The following SLC43A2 variants were observed in gnomAD, a reference collection of about 807,000 sequenced individuals.
The protein encoded by SLC43A2 is large neutral amino acids transporter small subunit 4.
SLC43A2 carries 38 observed loss-of-function variants against 63.2 expected under a neutral mutation model. That is an observed-to-expected ratio of 0.60 (90% CI 0.46 to 0.79). The LOEUF is 0.79. Ranked by LOEUF, SLC43A2 falls within the 30% of genes least tolerant of loss-of-function variation. The pLI is 0.00. For synonymous variants in SLC43A2, 322 were observed against 331.0 expected (o/e 0.97, Z 0.30); for missense variants, 644 against 756.2 (o/e 0.85, Z 1.74).
At chr17:1,624,424 C>A (rs1004084474) in intron 2 of SLC43A2, among the ~76,000 whole-genome samples, 4 of 150,590 alleles carry the variant, frequency 2.7e-5, no homozygotes, top group Non-Finnish European at 5.9e-5. Flanking sequence ...AAAATTTGAC[C>A]GGGCGTGGTG....
chr17:1,570,281 C>T lies in SLC43A2; in HGVS notation c.*5323G>A, dbSNP rs1307830486. On this transcript the variant is annotated 3_prime_UTR_variant, in exon 14 of 14. Coordinates refer to ENST00000301335, the MANE Select transcript of SLC43A2 (RefSeq NM_152346.3). The stretch of plus-strand genomic sequence containing the variant: ...CTGACCTCAAGTGATCCACCCCGCC[C>T]CCGCTTCGGCCTCCCAAAGCACTGG... 6.6e-6 allele frequency: 1 copy of T among 152,096 alleles called. No homozygotes were observed. The allele number at this position is 152,096 out of a possible 1,614,324, so 9.4% of individuals were successfully genotyped here. A position where few individuals can be genotyped will look rare whatever the true frequency, so the allele number is the denominator to read the frequency against.
rs371479023 is a variant in SLC43A2 at position 1,575,784 on chromosome 17, C to T, written c.1549-19G>A. On this transcript the variant is annotated intron_variant, in intron 13 of 13. Coordinates refer to ENST00000301335, the MANE Select transcript of SLC43A2 (RefSeq NM_152346.3). ...CGTTCACCTGGGGAGGCAGGGAGGC[C>T]GCGCATCACAGGGCGTGGTGGTGCG... The T allele has an allele frequency of 1.2e-4, 190 of 1,598,758 alleles. 1 individual carries two copies. The highest frequency in any genetic ancestry group is 1.5e-4 in the Admixed American group (9 of 58,410).
At chr17:1,626,646 C>T (rs1051746468) in intron 2 of SLC43A2, among the ~76,000 whole-genome samples, 1 of 152,154 alleles carries the variant, frequency 6.6e-6, no homozygotes, top group African/African-American at 2.4e-5. Flanking sequence ...AAGGATTACA[C>T]CCAGCATGAG....
chr17:1,586,075 T>G, intron 9 of SLC43A2, 24 bp from the exon 10 acceptor site: 1 of 1,553,946 alleles, frequency 6.4e-7, no homozygotes, highest in Non-Finnish European at 8.7e-7. Context: ...CGCTGCGTCA[T>G]GGGGACGCCT....
chr17:1,579,704 G>T (rs1359409499), intron 11 of SLC43A2, among the ~76,000 whole-genome samples: 12 of 151,794 alleles, frequency 7.9e-5, no homozygotes, highest in African/African-American at 2.7e-4. Context: ...GGGCTTGGTG[G>T]TACGTGCCCG....
intron 1 of SLC43A2, chr17:1,628,391 C>T (rs563344077): frequency 6.6e-6 from 1 of 151,606 alleles, no homozygotes; most frequent in South Asian, 2.1e-4. Flanking sequence ...CTGGTTTCTT[C>T]AACCACAAGA....
chr17:1,613,508 A>C (rs1034601640), intron 4 of SLC43A2, among the ~76,000 whole-genome samples: 3 of 152,100 alleles, frequency 2.0e-5, no homozygotes, highest in African/African-American at 7.2e-5. Context: ...GCTGGAGTGC[A>C]ATGGCACGAT....
chr17:1,627,388 G>T (rs1181212752), intron 2 of SLC43A2, among the ~76,000 whole-genome samples: 1 of 152,184 alleles, frequency 6.6e-6, no homozygotes, highest in African/African-American at 2.4e-5. Flanking sequence ...TATGTTCCAG[G>T]GCTGGGAGGA....
chr17:1,591,079 G>A (rs1304407588), intron 8 of SLC43A2, 131 bp from the exon 9 acceptor site: 4 of 1,256,396 alleles, frequency 3.2e-6, no homozygotes, highest in Non-Finnish European at 4.4e-6. Flanking sequence ...AACGGGGTTG[G>A]CGCTGCGGTG....
In SLC43A2 at chr17:1,575,561, A is replaced by C; in HGVS notation, c.*43T>G. 6.2e-7 allele frequency: 1 copy of C among 1,613,388 alleles called. No homozygotes were observed. The highest frequency in any genetic ancestry group is 1.3e-5 in the African/African-American group (1 of 75,030). On this transcript the variant is annotated 3_prime_UTR_variant, in exon 14 of 14. Transcript: ENST00000301335. ...TGGAGGGGCAGGACAGGGGTCAGTC[A>C]CTGAAGCACAGGCAGGAGACCGCAG...
intron 9 of SLC43A2, among the ~76,000 whole-genome samples, chr17:1,588,414 G>A (rs911229955): frequency 1.1e-4 from 16 of 152,064 alleles, no homozygotes; most frequent in African/African-American, 3.6e-4. Context: ...TTTTTGGCTG[G>A]GCATTGTGGC....
intron 5 of SLC43A2, chr17:1,604,649 C>T (rs950185329): frequency 7.2e-7 from 1 of 1,383,300 alleles, no homozygotes; most frequent in Admixed American, 2.0e-5. Flanking sequence ...GCTGAGACTA[C>T]AGGGGGATAC....
intron 2 of SLC43A2, 55 bp downstream of exon 2, chr17:1,627,660 C>A: frequency 1.2e-6 from 1 of 812,636 alleles, no homozygotes; most frequent in Non-Finnish European, 1.8e-6. Context: ...CCATCCCGCC[C>A]CCTCCCAAAG....
chr17:1,599,240 T>C (rs1220493188), intron 5 of SLC43A2, among the ~76,000 whole-genome samples: 1 of 151,822 alleles, frequency 6.6e-6, no homozygotes, highest in Non-Finnish European at 1.5e-5. Flanking sequence ...CTTGGGAGGC[T>C]GAAGCAGGAG....
At chr17:1,592,786 C>T (rs1904940716) in intron 6 of SLC43A2, among the ~76,000 whole-genome samples, 1 of 152,188 alleles carries the variant, frequency 6.6e-6, no homozygotes, top group South Asian at 2.1e-4. Flanking sequence ...ACAGCTGAAA[C>T]ACTTGGCCAA....
chr17:1,573,051 T>TTA lies in SLC43A2; in HGVS notation c.*2551_*2552dup, dbSNP rs2151022504. On this transcript the variant is annotated 3_prime_UTR_variant, in exon 14 of 14. Transcript: ENST00000301335. ...ATTAGCCAGGCATGGTGGCACACACTTATAGTCCCAGATACTTAGGAGGCC... is the reference window on the plus strand; with the variant it reads ...ATTAGCCAGGCATGGTGGCACACACTTATATAGTCCCAGATACTTAGGAGGCC... 6.6e-6 allele frequency: 1 copy of TTA among 151,974 alleles called. No individual in the cohort carries two copies. The highest frequency in any genetic ancestry group is 6.6e-5 in the Admixed American group (1 of 15,238). 9.4% of individuals were successfully genotyped at this position (151,974 alleles called of 1,614,324 possible).
At chr17:1,624,798 G>A (rs2151083946) in intron 2 of SLC43A2, among the ~76,000 whole-genome samples, 1 of 152,254 alleles carries the variant, frequency 6.6e-6, no homozygotes, top group South Asian at 2.1e-4. Flanking sequence ...TCGGGAGGCT[G>A]AGGCGGGAGG....
At chr17:1,603,700 G>A (rs1389416807) in intron 5 of SLC43A2, among the ~76,000 whole-genome samples, 2 of 152,090 alleles carry the variant, frequency 1.3e-5, no homozygotes, top group African/African-American at 4.8e-5. Context: ...CAGGAGAATC[G>A]CTTGAACCCA....
chr17:1,620,859 C>T (rs2151079911), intron 2 of SLC43A2, among the ~76,000 whole-genome samples: 1 of 152,202 alleles, frequency 6.6e-6, no homozygotes, highest in Middle Eastern at 3.4e-3. Context: ...AGATTAAGCA[C>T]CCAGGAAGTG....
Sources: gnomAD v4.1 joint callset for allele counts (sites outside exome capture counted in the v4.1 genomes callset) on GRCh38, gnomAD v4.1.1 for gene constraint, MANE v1.5 for transcripts, NCBI Gene and HGNC (gene_info 2026-07-23, HGNC 2026-07-21) for gene names.